The following LUZP2 variants were observed in gnomAD, a reference collection of about 807,000 sequenced individuals.
LUZP2 encodes leucine zipper protein 2.
A neutral mutation model predicts 51.6 loss-of-function variants in LUZP2; 52 were observed. The observed-to-expected ratio is 1.01, with a 90% CI of 0.81 to 1.27. The LOEUF is 1.27. LUZP2 is among the 50% of genes most tolerant of loss of function. LUZP2 has a pLI of 0.00. For missense variants in LUZP2, 436 were observed against 395.4 expected (o/e 1.10, Z -0.87); for synonymous variants, 154 against 137.3 (o/e 1.12, Z -0.85).
chr11:25,023,100 T>G (rs1857386482), intron 9 of LUZP2, among the ~76,000 whole-genome samples: 1 of 152,148 alleles, frequency 6.6e-6, no homozygotes, highest in South Asian at 2.1e-4. Context: ...GAAATTGGTC[T>G]GAAATTCTCT....
chr11:24,548,884 T>C (rs1323070110), intron 1 of LUZP2, among the ~76,000 whole-genome samples: 1 of 152,054 alleles, frequency 6.6e-6, no homozygotes, highest in African/African-American at 2.4e-5. Context: ...TGTTTGCTAA[T>C]TGGTTAATTT....
At chr11:24,972,155 A>C (rs1019766274) in intron 7 of LUZP2, among the ~76,000 whole-genome samples, 2 of 151,154 alleles carry the variant, frequency 1.3e-5, no homozygotes, top group African/African-American at 4.9e-5. Context: ...AAAAAAAAAA[A>C]AAAAAAACAC....
At chr11:24,541,257 G>GAAA (rs3077907) in intron 1 of LUZP2, among the ~76,000 whole-genome samples, 19 of 114,180 alleles carry the variant, frequency 1.7e-4, no homozygotes, top group South Asian at 9.4e-4. Context: ...TCATCTCAAG[G>GAAA]AAAAAAAAAA....
intron 1 of LUZP2, among the ~76,000 whole-genome samples, chr11:24,651,999 G>A (rs1043411554): frequency 6.6e-6 from 1 of 151,914 alleles, no homozygotes; most frequent in African/African-American, 2.4e-5. Context: ...GTGTGTTTGT[G>A]TGTATGTGTG....
At chr11:25,070,970 A>C (rs1162240585) in intron 10 of LUZP2, among the ~76,000 whole-genome samples, 1 of 151,910 alleles carries the variant, frequency 6.6e-6, no homozygotes, top group African/African-American at 2.4e-5. Flanking sequence ...TTCTTGTGGC[A>C]GGGTCCAAAA....
intron 1 of LUZP2, among the ~76,000 whole-genome samples, chr11:24,680,954 G>A (rs1856712337): frequency 1.3e-5 from 2 of 149,084 alleles, no homozygotes; most frequent in Admixed American, 6.8e-5. Flanking sequence ...CTCTTTATGA[G>A]TCTTTAATTT....
intron 1 of LUZP2, among the ~76,000 whole-genome samples, chr11:24,716,624 C>T (rs189516503): frequency 6.6e-6 from 1 of 152,190 alleles, no homozygotes; most frequent in Non-Finnish European, 1.5e-5. Flanking sequence ...AAGCTGGGGG[C>T]GGTGGCTCAA....
intron 9 of LUZP2, among the ~76,000 whole-genome samples, chr11:25,044,911 G>T (rs187556862): frequency 1.5e-3 from 232 of 151,950 alleles, no homozygotes; most frequent in African/African-American, 5.4e-3. Context: ...CCTTTGTAGG[G>T]AAATGGATGA....
chr11:24,665,843 G>C (rs1444675047), intron 1 of LUZP2, among the ~76,000 whole-genome samples: 1 of 151,916 alleles, frequency 6.6e-6, no homozygotes, highest in East Asian at 1.9e-4. Flanking sequence ...CCTAATCTCA[G>C]GTATTTCTTT....
chr11:24,539,940 T>G (rs1306980889), intron 1 of LUZP2, among the ~76,000 whole-genome samples: 2 of 152,020 alleles, frequency 1.3e-5, no homozygotes, highest in Non-Finnish European at 2.9e-5. Context: ...TCATCACCAT[T>G]ATTATGATAT....
At chr11:24,786,330 G>A in intron 5 of LUZP2, 1 of 982,040 alleles carries the variant, frequency 1.0e-6, no homozygotes, top group East Asian at 1.1e-4. Context: ...GAAAAAAGTA[G>A]TCAGAATTCA....
chr11:24,658,132 A>G (rs1855877339), intron 1 of LUZP2, among the ~76,000 whole-genome samples: 1 of 152,210 alleles, frequency 6.6e-6, no homozygotes, highest in Non-Finnish European at 1.5e-5. Context: ...TCCTAAGCCA[A>G]AAGAACAAAG....
intron 9 of LUZP2, among the ~76,000 whole-genome samples, chr11:25,006,471 T>C (rs1856836728): frequency 6.6e-6 from 1 of 152,232 alleles, no homozygotes; most frequent in Non-Finnish European, 1.5e-5. Flanking sequence ...ACAGAAAAAG[T>C]GGAAGCTGGT....
Position 25,081,349 on chromosome 11 carries a change from T to TC in LUZP2, c.*2693dup, listed in dbSNP as rs1238278403. On this transcript the variant is annotated 3_prime_UTR_variant, in exon 12 of 12. Coordinates refer to ENST00000336930, the MANE Select transcript of LUZP2 (RefSeq NM_001009909.4). ...ACCGTGCCTGGCCAGTGTGTTTTTTTCCTTTAAATATATATGGCATTATAC... is the reference window on the plus strand; with the variant it reads ...ACCGTGCCTGGCCAGTGTGTTTTTTTCCCTTTAAATATATATGGCATTATAC... 2.0e-5 allele frequency: 3 copies of TC among 152,000 alleles called. No homozygotes were observed. The highest frequency in any genetic ancestry group is 7.3e-5 in the African/African-American group (3 of 41,374). 9.4% of individuals were successfully genotyped at this position (152,000 alleles called of 1,614,324 possible).
At chr11:24,851,049 C>T (rs990464873) in intron 5 of LUZP2, among the ~76,000 whole-genome samples, 1 of 152,164 alleles carries the variant, frequency 6.6e-6, no homozygotes, top group Non-Finnish European at 1.5e-5. Flanking sequence ...ACAATCATGT[C>T]ATCTGTAAAC....
rs190127295 is a variant in LUZP2 at position 24,889,666 on chromosome 11, A to T, written c.397-16325A>T. ...GAGGACAGTCTCCCCTGTGCCCCAC[A>T]GTTGGCTCAGCTGAGGCTGCTTGTA... On this transcript the variant is annotated intron_variant, in intron 5 of 11. Coordinates refer to ENST00000336930, the MANE Select transcript of LUZP2 (RefSeq NM_001009909.4). Among the ~76,000 whole-genome samples the T allele has an allele frequency of 9.8e-5, 15 of 152,304 alleles. No individual in the cohort carries two copies. In the East Asian group the frequency reaches 1.7e-3, roughly 18 times the overall value.
At chr11:24,833,358 C>A (rs911077765) in intron 5 of LUZP2, among the ~76,000 whole-genome samples, 1 of 152,074 alleles carries the variant, frequency 6.6e-6, no homozygotes, top group Non-Finnish European at 1.5e-5. Context: ...AAAACATCAC[C>A]ACTATTAATT....
At position 24,742,841 on chromosome 11, in the gene LUZP2, G is replaced by C. The variant is rs553423813; in HGVS notation, c.333+4539G>C. ...TTATAGTTTCAGGTCTTAGATATAAGTCCTTAATCTATCTTGAGTTGATTT... is the reference window on the plus strand; with the variant it reads ...TTATAGTTTCAGGTCTTAGATATAACTCCTTAATCTATCTTGAGTTGATTT... On this transcript the variant is annotated intron_variant, in intron 4 of 11. Coordinates refer to ENST00000336930, the MANE Select transcript of LUZP2 (RefSeq NM_001009909.4). 3.3e-5 allele frequency among the ~76,000 whole-genome samples: 5 copies of C among 152,166 alleles called. 1 individual carries two copies. The South Asian group carries it at 1.0e-3, about 32-fold the overall frequency.
intron 9 of LUZP2, among the ~76,000 whole-genome samples, chr11:24,988,864 C>T (rs1437816113): frequency 6.6e-6 from 1 of 151,792 alleles, no homozygotes; most frequent in African/African-American, 2.4e-5. Flanking sequence ...AGCTGGATAT[C>T]GGAGTTTTAG....
Sources: allele counts gnomAD v4.1 joint callset (sites outside exome capture counted in the v4.1 genomes callset), GRCh38; gene constraint gnomAD v4.1.1; transcripts MANE v1.5; gene names NCBI Gene and HGNC (gene_info 2026-07-23, HGNC 2026-07-21).